SPAG9: variants seen among roughly 807,000 people sequenced by gnomAD.
SPAG9 encodes C-Jun-amino-terminal kinase-interacting protein 4.
A neutral mutation model predicts 166.5 loss-of-function variants in SPAG9; 35 were observed. The observed-to-expected ratio is 0.21, with a 90% CI of 0.16 to 0.28. SPAG9 has a LOEUF of 0.28. Among genes scored for constraint, SPAG9 ranks in the 10% least tolerant of loss-of-function variants. SPAG9 has a pLI of 1.00. For missense variants in SPAG9, 1,235 were observed against 1,603.3 expected (o/e 0.77, Z 3.92); for synonymous variants, 534 against 565.5 (o/e 0.94, Z 0.79).
chr17:50,989,532 C>T (rs1975361185), intron 21 of SPAG9, 145 bp downstream of exon 21: 1 of 741,386 alleles, frequency 1.3e-6, no homozygotes. Flanking sequence ...AGCGGGAATA[C>T]ATGAAATTAT....
intron 1 of SPAG9, among the ~76,000 whole-genome samples, chr17:51,089,660 A>ATATATATATG (rs1555658088): frequency 5.7e-5 from 6 of 105,334 alleles, no homozygotes; most frequent in Non-Finnish European, 1.2e-4. Context: ...ATATATATAT[A>ATATATATATG]TATACACATA....
Position 50,977,238 on chromosome 17 carries a change from G to C in SPAG9, c.3410-17C>G. On this transcript the variant is annotated splice_polypyrimidine_tract_variant and intron_variant, in intron 26 of 29. Transcript: ENST00000262013. Reference sequence around the variant, plus strand: ...TTCCAGTACCTGTAAAGAAAGGAGGGAACACGTTATTGAGAAACTAAAGCA... The same window carrying C: ...TTCCAGTACCTGTAAAGAAAGGAGGCAACACGTTATTGAGAAACTAAAGCA... 6.7e-7 allele frequency: 1 copy of C among 1,481,728 alleles called. No individual in the cohort carries two copies. The highest frequency in any genetic ancestry group is 9.4e-7 in the Non-Finnish European group (1 of 1,060,804). 91.8% of individuals were successfully genotyped at this position (1,481,728 alleles called of 1,614,324 possible). A position where few individuals can be genotyped will look rare whatever the true frequency, so the allele number is the denominator to read the frequency against.
intron 3 of SPAG9, among the ~76,000 whole-genome samples, chr17:51,050,716 T>C (rs928102662): frequency 6.6e-6 from 1 of 150,500 alleles, no homozygotes; most frequent in Non-Finnish European, 1.5e-5. Flanking sequence ...ACAGTATCAC[T>C]CAGGTTAAAA....
At chr17:51,049,141 G>T (rs1268723059) in intron 3 of SPAG9, among the ~76,000 whole-genome samples, 4 of 152,146 alleles carry the variant, frequency 2.6e-5, no homozygotes, top group Non-Finnish European at 5.9e-5. Flanking sequence ...CACTTTGGGA[G>T]GTAGGAGGTT....
chr17:51,046,660 T>C, intron 4 of SPAG9: 2 of 1,536,024 alleles, frequency 1.3e-6, no homozygotes, highest in Non-Finnish European at 1.7e-6. Context: ...CCAGGACTCA[T>C]GGCGCTGTGC....
At chr17:50,978,897 G>C (rs1190856207) in intron 26 of SPAG9, among the ~76,000 whole-genome samples, 1 of 152,176 alleles carries the variant, frequency 6.6e-6, no homozygotes, top group African/African-American at 2.4e-5. Context: ...ACTAGGCAGA[G>C]AACAGACTGG....
intron 28 of SPAG9, among the ~76,000 whole-genome samples, chr17:50,974,046 G>T (rs543480591): frequency 6.6e-5 from 10 of 152,084 alleles, no homozygotes; most frequent in African/African-American, 2.2e-4. Context: ...TCTGAACTTC[G>T]TCTAGCTCCT....
chr17:51,049,341 T>C (rs970637814), intron 3 of SPAG9, among the ~76,000 whole-genome samples: 1 of 150,260 alleles, frequency 6.7e-6, no homozygotes, highest in Non-Finnish European at 1.5e-5. Flanking sequence ...CACTCCAGCC[T>C]GGGCAACAGA....
At chr17:51,037,434 A>G (rs2046631827) in intron 5 of SPAG9, among the ~76,000 whole-genome samples, 1 of 151,674 alleles carries the variant, frequency 6.6e-6, no homozygotes, top group Non-Finnish European at 1.5e-5. Context: ...CCAACATGGC[A>G]AAACCTCGTC....
intron 29 of SPAG9, 21 bp downstream of exon 29, chr17:50,970,686 C>G: frequency 6.2e-7 from 1 of 1,607,994 alleles, no homozygotes; most frequent in Non-Finnish European, 8.5e-7. Context: ...GCAAACTGAG[C>G]ACCCAGAACC....
Position 50,964,781 on chromosome 17 carries a change from C to T in SPAG9, c.*1491G>A. ...TTGTTTGTCTGTTTTGAGACAGGGT[C>T]TTGCTCCGTCACCCAGGCTGGAGTG... On this transcript the variant is annotated 3_prime_UTR_variant, in exon 30 of 30. Transcript: ENST00000262013. The T allele has an allele frequency of 2.3e-6, 1 of 442,884 alleles. No individual in the cohort carries two copies. The highest frequency in any genetic ancestry group is 4.5e-6 in the Non-Finnish European group (1 of 220,614). 27.4% of individuals were successfully genotyped at this position (442,884 alleles called of 1,614,324 possible).
At chr17:51,080,593 C>T (rs1317148186) in intron 1 of SPAG9, among the ~76,000 whole-genome samples, 1 of 152,046 alleles carries the variant, frequency 6.6e-6, no homozygotes, top group Non-Finnish European at 1.5e-5. Context: ...GTTTAAAAAG[C>T]ATCTTAAGGC....
chr17:51,047,279 T>TA (rs1340671592), intron 4 of SPAG9, 96 bp downstream of exon 4: 4 of 719,798 alleles, frequency 5.6e-6, no homozygotes, highest in Non-Finnish European at 9.0e-6. Flanking sequence ...TGAATCAGCC[T>TA]AACTATTGTT....
intron 2 of SPAG9, among the ~76,000 whole-genome samples, chr17:51,059,729 A>T (rs906184246): frequency 2.0e-5 from 3 of 152,040 alleles, no homozygotes; most frequent in Non-Finnish European, 4.4e-5. Context: ...AGATTGCGCC[A>T]CTGCAACTCC....
intron 1 of SPAG9, among the ~76,000 whole-genome samples, chr17:51,085,128 G>T (rs993404008): frequency 6.6e-6 from 1 of 152,104 alleles, no homozygotes; most frequent in Non-Finnish European, 1.5e-5. Context: ...GATTACAGGC[G>T]TAAGCCACCG....
intron 2 of SPAG9, among the ~76,000 whole-genome samples, chr17:51,066,036 G>C (rs1386079498): frequency 2.0e-5 from 3 of 152,034 alleles, no homozygotes; most frequent in Non-Finnish European, 4.4e-5. Context: ...ACATATATCA[G>C]CTTATAAACA....
intron 2 of SPAG9, among the ~76,000 whole-genome samples, chr17:51,073,154 C>T (rs942778021): frequency 1.3e-5 from 2 of 152,124 alleles, no homozygotes; most frequent in Admixed American, 1.3e-4. Context: ...GGTGAAACCC[C>T]ATCTCTACTG....
chr17:51,011,739 C>G (rs1229790068), intron 9 of SPAG9, among the ~76,000 whole-genome samples: 1 of 152,050 alleles, frequency 6.6e-6, no homozygotes, highest in Non-Finnish European at 1.5e-5. Flanking sequence ...ACTAAACTTA[C>G]AGTAATATAT....
chr17:51,056,631 A>C, intron 2 of SPAG9, 149 bp from the exon 3 acceptor site: 1 of 592,614 alleles, frequency 1.7e-6, no homozygotes. Flanking sequence ...CAGTGACCTC[A>C]TTTCATTATC....
Sources: allele counts gnomAD v4.1 joint callset (sites outside exome capture counted in the v4.1 genomes callset), GRCh38; gene constraint gnomAD v4.1.1; transcripts MANE v1.5; gene names NCBI Gene and HGNC (gene_info 2026-07-23, HGNC 2026-07-21).